The following UHRF2 variants were observed in gnomAD, a reference collection of about 807,000 sequenced individuals.
The protein encoded by UHRF2 is ubiquitin like with PHD and ring finger domains 2.
In UHRF2, 23 loss-of-function variants were observed where a neutral mutation model predicts 96.8. That is an observed-to-expected ratio of 0.24 (90% CI 0.17 to 0.34). The LOEUF is 0.34. Among genes scored for constraint, UHRF2 ranks in the 10% least tolerant of loss-of-function variants. The pLI is 1.00. For synonymous variants in UHRF2, 385 were observed against 332.6 expected (o/e 1.16, Z -1.72); for missense variants, 685 against 981.5 (o/e 0.70, Z 4.04).
chr9:6,435,128 G>A (rs1415453582), intron 3 of UHRF2, among the ~76,000 whole-genome samples: 1 of 152,032 alleles, frequency 6.6e-6, no homozygotes, highest in Non-Finnish European at 1.5e-5. Flanking sequence ...CGAGTAGCTA[G>A]CATTAGAGGC....
intron 13 of UHRF2, 70 bp downstream of exon 13, chr9:6,500,001 T>TCAA: frequency 1.7e-6 from 2 of 1,210,714 alleles, no homozygotes; most frequent in Non-Finnish European, 2.3e-6. Flanking sequence ...AGACGGGGTC[T>TCAA]CACTCTTGTC....
chr9:6,415,809 A>G (rs956879920), intron 1 of UHRF2, among the ~76,000 whole-genome samples: 3 of 152,228 alleles, frequency 2.0e-5, no homozygotes, highest in East Asian at 1.9e-4. Flanking sequence ...GAATTTAACA[A>G]GACCCCACGG....
intron 3 of UHRF2, among the ~76,000 whole-genome samples, chr9:6,447,181 G>A (rs143348472): frequency 6.9e-4 from 105 of 152,224 alleles, no homozygotes; most frequent in African/African-American, 2.5e-3. Flanking sequence ...GAGCCACCGC[G>A]CCCAGCCAGC....
chr9:6,434,101 G>T lies in UHRF2; in HGVS notation c.572G>T (p.Ser191Ile), dbSNP rs765637065. ...AAAGAGAACACAAATAAATTGGACAGTGTACCCTCTACGTCTAATTCAGAC... is the reference window on the plus strand; with the variant it reads ...AAAGAGAACACAAATAAATTGGACATTGTACCCTCTACGTCTAATTCAGAC... ...KSKENTNKLD[S>I]VPSTSNSDCV... is the part of the protein sequence containing the mutation. The change falls in exon 3 of 16, where the codon AGT (serine) becomes ATT (isoleucine). Residue 191 changes from serine (S) to isoleucine (I), a missense_variant. Transcript: ENST00000276893. The T allele has an allele frequency of 1.2e-6, 2 of 1,614,110 alleles. No homozygotes were observed. The highest frequency in any genetic ancestry group is 1.7e-6 in the Non-Finnish European group (2 of 1,180,014).
intron 10 of UHRF2, chr9:6,494,996 C>T (rs1824877493): frequency 6.6e-6 from 1 of 152,166 alleles, no homozygotes; most frequent in Non-Finnish European, 1.5e-5. Flanking sequence ...CTATTCTTTT[C>T]TAGCAAGAAA....
intron 9 of UHRF2, among the ~76,000 whole-genome samples, chr9:6,487,915 G>C (rs190709027): frequency 1.3e-4 from 20 of 152,170 alleles, no homozygotes; most frequent in Admixed American, 7.9e-4. Context: ...TTACTATTTT[G>C]AGATAGTTGT....
chr9:6,468,764 G>A, intron 4 of UHRF2: 1 of 448,308 alleles, frequency 2.2e-6, no homozygotes, highest in Non-Finnish European at 4.5e-6. Context: ...AGGGTAACTG[G>A]TGTAATGGCT....
intron 3 of UHRF2, among the ~76,000 whole-genome samples, chr9:6,443,356 C>G (rs189357086): frequency 6.6e-6 from 1 of 151,758 alleles, no homozygotes; most frequent in Admixed American, 6.6e-5. Flanking sequence ...TAGATGTTTT[C>G]TTATGTGTAA....
chr9:6,449,615 T>C (rs1284089505), intron 3 of UHRF2: 1 of 152,246 alleles, frequency 6.6e-6, no homozygotes, highest in Admixed American at 6.5e-5. Flanking sequence ...GGTCAGCTTA[T>C]ATGGGTTGGC....
At chr9:6,434,217 G>A in intron 3 of UHRF2, 44 bp downstream of exon 3, 1 of 1,554,996 alleles carries the variant, frequency 6.4e-7, no homozygotes, top group Non-Finnish European at 8.7e-7. Context: ...ATTTTCATTT[G>A]TAGAAACCAA....
At chr9:6,440,324 T>A (rs1023164665) in intron 3 of UHRF2, among the ~76,000 whole-genome samples, 3 of 152,230 alleles carry the variant, frequency 2.0e-5, no homozygotes, top group African/African-American at 7.2e-5. Flanking sequence ...ATGTAATATT[T>A]AGCATGATTA....
At chr9:6,474,373 C>T (rs1264749766) in intron 4 of UHRF2, among the ~76,000 whole-genome samples, 1 of 152,154 alleles carries the variant, frequency 6.6e-6, no homozygotes, top group East Asian at 1.9e-4. Context: ...ATTTAGGCTT[C>T]TTAAATCTGT....
At chr9:6,492,357 G>T in intron 9 of UHRF2, 2 of 1,221,002 alleles carry the variant, frequency 1.6e-6, no homozygotes, top group Non-Finnish European at 2.1e-6. Flanking sequence ...CCGGGTGGAA[G>T]ACTGGTTTTG....
At chr9:6,471,501 A>T (rs1316854852) in intron 4 of UHRF2, among the ~76,000 whole-genome samples, 1 of 152,138 alleles carries the variant, frequency 6.6e-6, no homozygotes, top group Non-Finnish European at 1.5e-5. Flanking sequence ...ATGAGGTTTT[A>T]AAAAGATACC....
intron 2 of UHRF2, among the ~76,000 whole-genome samples, chr9:6,430,349 C>CG (rs1021275607): frequency 4.6e-5 from 7 of 152,166 alleles, no homozygotes; most frequent in African/African-American, 1.7e-4. Flanking sequence ...GAATGCAGCT[C>CG]TTAAGTGTAG....
chr9:6,434,256 A>C, intron 3 of UHRF2, 83 bp downstream of exon 3: 1 of 1,456,282 alleles, frequency 6.9e-7, no homozygotes, highest in East Asian at 2.3e-5. Flanking sequence ...TATTTTAAAT[A>C]GTCTTTCTGA....
chr9:6,432,480 G>A (rs1013177800), intron 2 of UHRF2, among the ~76,000 whole-genome samples: 2 of 152,106 alleles, frequency 1.3e-5, no homozygotes, highest in African/African-American at 4.8e-5. Context: ...AAGAACATAA[G>A]CTTCAAAGTC....
At chr9:6,426,525 T>C (rs2130742330) in intron 2 of UHRF2, among the ~76,000 whole-genome samples, 1 of 152,366 alleles carries the variant, frequency 6.6e-6, no homozygotes, top group East Asian at 1.9e-4. Context: ...TTTTGGGGGA[T>C]GAACCTTAGT....
chr9:6,502,249 C>G (rs1366354188), intron 14 of UHRF2, among the ~76,000 whole-genome samples: 1 of 152,124 alleles, frequency 6.6e-6, no homozygotes, highest in Non-Finnish European at 1.5e-5. Flanking sequence ...ACTCTTGTGC[C>G]CAGATTGCTT....
Sources: gnomAD v4.1 joint callset for allele counts (sites outside exome capture counted in the v4.1 genomes callset) on GRCh38, gnomAD v4.1.1 for gene constraint, MANE v1.5 for transcripts, NCBI Gene and HGNC (gene_info 2026-07-23, HGNC 2026-07-21) for gene names.